Variants in GLRX2 observed in about 807,000 individuals in gnomAD.
GLRX2 encodes the protein glutaredoxin 2.
In GLRX2, 12 loss-of-function variants were observed where a neutral mutation model predicts 16.4. The observed-to-expected ratio is 0.73, with a 90% CI of 0.47 to 1.19. The LOEUF (loss-of-function observed/expected upper bound fraction) is 1.19, where lower values mean the gene tolerates loss of function less well. Among genes scored for constraint, GLRX2 ranks in the 50% most tolerant of loss-of-function variants. GLRX2 has a pLI of 0.00. For missense variants in GLRX2, 201 were observed against 201.8 expected (o/e 1.00, Z 0.02); for synonymous variants, 95 against 76.2 (o/e 1.25, Z -1.28).
Position 193,097,670 on chromosome 1 carries a change from C to G in GLRX2, c.274G>C (p.Val92Leu). Reference protein sequence around the residue: ...MAKKLFHDMNVNYKVVELDLL... With the variant: ...MAKKLFHDMNLNYKVVELDLL... Reference sequence around the variant, plus strand: ...TCCAGTTCCACCACTTTATAGTTAACATTCATGTCATGGAAAAGCTTTTTT... The same window carrying G: ...TCCAGTTCCACCACTTTATAGTTAAGATTCATGTCATGGAAAAGCTTTTTT... The change falls in exon 3 of 4, where the codon GTT (valine) becomes CTT (leucine). Residue 92 changes from valine to leucine, a missense_variant. Transcript: ENST00000367439. 2.5e-6 allele frequency: 4 copies of G among 1,613,258 alleles called. No homozygotes were observed. Among genetic ancestry groups the G allele is most frequent in the Non-Finnish European group, 3.4e-6 (4 of 1,179,456 alleles).
intron 2 of GLRX2, among the ~76,000 whole-genome samples, chr1:193,099,559 T>C (rs1675031971): frequency 6.6e-6 from 1 of 152,122 alleles, no homozygotes; most frequent in East Asian, 1.9e-4. Context: ...GTTGAACTCC[T>C]AGGCTCAAGC....
chr1:193,096,642 TCTTA>T lies in GLRX2; in HGVS notation c.474_477del (p.Ser158ArgfsTer21). 3.1e-6 allele frequency: 5 copies of T among 1,588,318 alleles called. No individual in the cohort carries two copies. Among genetic ancestry groups the T allele is most frequent in the Non-Finnish European group, 4.3e-6 (5 of 1,158,600 alleles). On this transcript the variant is annotated frameshift_variant, in exon 4 of 4. Coordinates refer to ENST00000367439, the MANE Select transcript of GLRX2 (RefSeq NM_197962.3). LOFTEE classifies it high-confidence loss of function. Reference sequence around the variant, plus strand: ...TATAAACATCACTGAAATTCTTTCCTCTTACTTTTTTTTAAATAACACTGATGAA... The same window carrying T: ...TATAAACATCACTGAAATTCTTTCCTCTTTTTTTTAAATAACACTGATGAA...
In GLRX2 at chr1:193,105,351, G is replaced by T; in HGVS notation, c.32C>A (p.Thr11Lys). ...GCCGCTCCTGCTCCAAACCAGCCGC[G>T]TCCCCGCCAGCGCCGCGCGGCGCCA... is the stretch of plus-strand genomic sequence containing the variant. MIWRRAALAG[T>K]RLVWSRSGSA... The change falls in exon 1 of 4, where the codon ACG (threonine) becomes AAG (lysine). Residue 11 changes from threonine to lysine, a missense_variant. By Grantham distance (78) the Thr-to-Lys change is moderately conservative. Coordinates refer to ENST00000367439, the MANE Select transcript of GLRX2 (RefSeq NM_197962.3). 4 of 1,547,294 alleles carry T rather than the reference G, an allele frequency of 2.6e-6. No individual in the cohort carries two copies. Among genetic ancestry groups the T allele is most frequent in the Non-Finnish European group, 3.5e-6 (4 of 1,156,660 alleles).
chr1:193,105,544 G>C (rs141243509), upstream of GLRX2: 350 of 1,584,668 alleles, frequency 2.2e-4, 3 homozygotes, highest in African/African-American at 4.3e-3. Context: ...CGTCCTCCCA[G>C]GGCTGCCCGA....
At chr1:193,101,264 G>GT in intron 1 of GLRX2, 60 bp from the exon 2 acceptor site, 1 of 1,101,722 alleles carries the variant, frequency 9.1e-7, no homozygotes, top group Non-Finnish European at 1.4e-6. Context: ...TTTATCACGA[G>GT]TTTTATTTGA....
intron 1 of GLRX2, 121 bp from the exon 2 acceptor site, chr1:193,101,325 A>T (rs1675072535): frequency 1.5e-6 from 1 of 678,630 alleles, no homozygotes. Context: ...AATAGAAAAA[A>T]ATTTTACTTA....
Position 193,097,669 on chromosome 1 carries a change from A to C in GLRX2, c.275T>G (p.Val92Gly). ...MAKKLFHDMNVNYKVVELDLL... is the reference protein window; with the variant it reads ...MAKKLFHDMNGNYKVVELDLL... ...GTCCAGTTCCACCACTTTATAGTTA[A>C]CATTCATGTCATGGAAAAGCTTTTT... The change falls in exon 3 of 4, where the codon GTT becomes GGT. Residue 92 changes from valine to glycine, a missense_variant. Coordinates refer to ENST00000367439, the MANE Select transcript of GLRX2 (RefSeq NM_197962.3). The C allele has an allele frequency of 6.2e-7, 1 of 1,613,554 alleles. No individual in the cohort carries two copies. The highest frequency in any genetic ancestry group is 1.1e-5 in the South Asian group (1 of 91,014).
chr1:193,100,515 C>T (rs543626483), intron 2 of GLRX2, among the ~76,000 whole-genome samples: 1 of 152,186 alleles, frequency 6.6e-6, no homozygotes, highest in East Asian at 1.9e-4. Context: ...AATTCCCTCA[C>T]AGTTATAGTC....
intron 1 of GLRX2, among the ~76,000 whole-genome samples, chr1:193,104,226 T>C (rs1426536284): frequency 6.6e-6 from 1 of 152,220 alleles, no homozygotes; most frequent in Non-Finnish European, 1.5e-5. Context: ...AATTTCTAGT[T>C]GACCTTGGTA....
chr1:193,103,176 G>GA (rs895096896), intron 1 of GLRX2, among the ~76,000 whole-genome samples: 73 of 149,420 alleles, frequency 4.9e-4, no homozygotes, highest in South Asian at 1.1e-3. Flanking sequence ...CACCTAATAG[G>GA]AAAAAAAAAA....
intron 2 of GLRX2, among the ~76,000 whole-genome samples, chr1:193,100,430 C>T (rs996640186): frequency 8.5e-5 from 13 of 152,164 alleles, no homozygotes; most frequent in African/African-American, 3.1e-4. Context: ...GCTGAGATCG[C>T]ACCACTGCAC....
At chr1:193,105,459 C>T (rs1675177111), upstream of GLRX2, 2 of 1,449,708 alleles carry the variant, frequency 1.4e-6, no homozygotes, top group African/African-American at 3.0e-5. Context: ...CCGGCCCGGC[C>T]CCCGCCTTGC....
Position 193,105,373 on chromosome 1 carries a change from G to A in GLRX2, c.10C>T (p.Arg4Cys), listed in dbSNP as rs747300184. The change falls in exon 1 of 4, where the codon CGC becomes TGC. Residue 4 changes from arginine (R) to cysteine (C), a missense_variant. Physicochemically the swap from Arg to Cys is radical, Grantham distance 180. Transcript: ENST00000367439. ...CGCGTCCCCGCCAGCGCCGCGCGGC[G>A]CCAAATCATGGTCAGAGCCCGGATC... MIW[R>C]RAALAGTRLV... is the part of the protein sequence containing the mutation. 3.9e-6 allele frequency: 6 copies of A among 1,543,580 alleles called. No homozygotes were observed. The highest frequency in any genetic ancestry group is 3.7e-5 in the Admixed American group (2 of 53,892).
chr1:193,104,223 A>T (rs1675137101), intron 1 of GLRX2, among the ~76,000 whole-genome samples: 1 of 152,224 alleles, frequency 6.6e-6, no homozygotes, highest in South Asian at 2.1e-4. Context: ...TTCAATTTCT[A>T]GTTGACCTTG....
chr1:193,105,257 C>T lies in GLRX2; in HGVS notation c.119+7G>A. ...CGCCGCGGCACTCCTGCCCGCTGAC[C>T]CCGTACCCAGAGGCCGCAGCTGCCG... is the stretch of plus-strand genomic sequence containing the variant. On this transcript the variant is annotated splice_region_variant and intron_variant, in intron 1 of 3. Coordinates refer to ENST00000367439, the MANE Select transcript of GLRX2 (RefSeq NM_197962.3). 6 of 1,537,072 alleles carry T rather than the reference C, an allele frequency of 3.9e-6. No homozygotes were observed. The highest frequency in any genetic ancestry group is 1.2e-5 in the South Asian group (1 of 84,088).
At chr1:193,097,421 A>C (rs1674981050) in intron 3 of GLRX2, among the ~76,000 whole-genome samples, 163 bp downstream of exon 3, 1 of 152,038 alleles carries the variant, frequency 6.6e-6, no homozygotes, top group Non-Finnish European at 1.5e-5. Context: ...AAATAAATCA[A>C]CTCTGCTGTT....
In GLRX2 at chr1:193,097,873, C is replaced by T; in HGVS notation, c.184-113G>A. ...GGTCTCTCATGATTCTGGGCTCAAACTAAGCATCATCTATTTTTTCTCATC... is the reference window on the plus strand; with the variant it reads ...GGTCTCTCATGATTCTGGGCTCAAATTAAGCATCATCTATTTTTTCTCATC... On this transcript the variant is annotated intron_variant, in intron 2 of 3. Transcript: ENST00000367439. 3 of 582,204 alleles carry T rather than the reference C, an allele frequency of 5.2e-6. No homozygotes were observed. The South Asian group carries it at 9.5e-5, about 18-fold the overall frequency. The allele number at this position is 582,204 out of a possible 1,614,324, so 36.1% of individuals were successfully genotyped here. A position where few individuals can be genotyped will look rare whatever the true frequency, so the allele number is the denominator to read the frequency against.
At chr1:193,105,489 C>G, upstream of GLRX2, 4 of 1,506,078 alleles carry the variant, frequency 2.7e-6, no homozygotes, top group Non-Finnish European at 3.5e-6. Context: ...TCCCGCCCCT[C>G]CGGACTGCCC....
intron 2 of GLRX2, among the ~76,000 whole-genome samples, chr1:193,098,450 G>T (rs1423472381): frequency 1.3e-5 from 2 of 152,104 alleles, no homozygotes; most frequent in Non-Finnish European, 2.9e-5. Flanking sequence ...TGAGGCAGGA[G>T]AATCACTTGA....
Sources: allele counts gnomAD v4.1 joint callset (sites outside exome capture counted in the v4.1 genomes callset), GRCh38; gene constraint gnomAD v4.1.1; transcripts MANE v1.5; gene names NCBI Gene and HGNC (gene_info 2026-07-23, HGNC 2026-07-21).